PRELID3B: variants seen among roughly 807,000 people sequenced by gnomAD.
PRELID3B encodes the protein PRELI domain containing 3B, also known as PRELI domain containing protein 3B.
Under a neutral mutation model 24.0 loss-of-function variants are expected in PRELID3B, and 15 were observed. The ratio of observed to expected loss-of-function variants is 0.63; its 90% CI spans 0.42 to 0.96. PRELID3B has a LOEUF of 0.96. PRELID3B is among the 40% of genes least tolerant of loss of function. The pLI, the probability that PRELID3B is intolerant of heterozygous loss-of-function variation, is 0.00. For missense variants in PRELID3B, 189 were observed against 236.0 expected, an observed-to-expected ratio of 0.80 and a Z score of 1.30; for synonymous variants, 62 against 76.0, an observed-to-expected ratio of 0.82 and a Z score of 0.96.
chr20:59,035,282 G>C (rs1445214697), intron 5 of PRELID3B, among the ~76,000 whole-genome samples, 156 bp from the exon 6 acceptor site: 1 of 152,162 alleles, frequency 6.6e-6, no homozygotes, highest in Non-Finnish European at 1.5e-5. Context: ...ATGTTATTTA[G>C]CAAACATCAA....
At chr20:59,039,541 G>C (rs1330038662) in intron 1 of PRELID3B, among the ~76,000 whole-genome samples, 1 of 152,194 alleles carries the variant, frequency 6.6e-6, no homozygotes, top group Admixed American at 6.5e-5. Flanking sequence ...AGGTGACTTA[G>C]TCCACCTGCA....
Position 59,034,909 on chromosome 20 carries a change from AC to A in PRELID3B, c.*97del. On this transcript the variant is annotated 3_prime_UTR_variant, in exon 6 of 6. Coordinates refer to ENST00000355937, the MANE Select transcript of PRELID3B (RefSeq NM_016045.3). ...ACTTATCAAAAAAAAAAAAAAAAAAACTACCCAAAATATAGTTGTATTTTTA... is the reference window on the plus strand; with the variant it reads ...ACTTATCAAAAAAAAAAAAAAAAAAATACCCAAAATATAGTTGTATTTTTA... 87 of 1,086,668 alleles carry A rather than the reference AC, an allele frequency of 8.0e-5. No individual in the cohort carries two copies. Among genetic ancestry groups the A allele is most frequent in the East Asian group, 8.8e-5 (3 of 34,076 alleles). 67.3% of individuals were successfully genotyped at this position (1,086,668 alleles called of 1,614,324 possible). A position where few individuals can be genotyped will look rare whatever the true frequency, so the allele number is the denominator to read the frequency against.
rs559996763 is a variant in PRELID3B at position 59,040,509 on chromosome 20, G to A, written c.33-1875C>T. On this transcript the variant is annotated intron_variant, in intron 1 of 5. Transcript: ENST00000355937. The surrounding 1 kb of genome is among the most constrained non-coding windows in gnomAD (Gnocchi z 4.1). ...AAAGAACAGTGGCTGACACATACTG[G>A]GCATCTCTATAAGTTGAAGGAATCA... is the stretch of plus-strand genomic sequence containing the variant. Among the ~76,000 whole-genome samples, 2 of 152,044 alleles carry A rather than the reference G, an allele frequency of 1.3e-5. No homozygotes were observed. Among genetic ancestry groups the A allele is most frequent in the Non-Finnish European group, 2.9e-5 (2 of 68,030 alleles).
intron 2 of PRELID3B, among the ~76,000 whole-genome samples, chr20:59,037,719 C>G (rs529116289): frequency 6.6e-6 from 1 of 152,238 alleles, no homozygotes; most frequent in Non-Finnish European, 1.5e-5. Flanking sequence ...AGCGTTCTTA[C>G]GATGGAGGCT....
intron 2 of PRELID3B, among the ~76,000 whole-genome samples, chr20:59,037,787 C>T (rs2092084584): frequency 6.6e-6 from 1 of 152,214 alleles, no homozygotes; most frequent in Non-Finnish European, 1.5e-5. Context: ...ACCCCCTGAC[C>T]CTGCTCATTT....
chr20:59,038,237 C>A (rs546308543), intron 2 of PRELID3B: 19 of 428,848 alleles, frequency 4.4e-5, no homozygotes, highest in Admixed American at 7.8e-5. Flanking sequence ...TCAGATCACA[C>A]GGCATTAGCT....
rs371664772 is a variant in PRELID3B at position 59,042,737 on chromosome 20, G to C, written c.-7C>G. 3 of 1,601,232 alleles carry C rather than the reference G, an allele frequency of 1.9e-6. No individual in the cohort carries two copies. On this transcript the variant is annotated 5_prime_UTR_variant, in exon 1 of 6. Coordinates refer to ENST00000355937, the MANE Select transcript of PRELID3B (RefSeq NM_016045.3). ...CCGAAGTCCAGATCTTCATGGTGCC[G>C]GCACCCTGAGAGATGTCCGGGTAGC...
In PRELID3B at chr20:59,036,516, G is replaced by A. The variant is rs2092073339; in HGVS notation, c.420C>T (p.Tyr140=). 4.3e-6 allele frequency: 7 copies of A among 1,614,008 alleles called. No homozygotes were observed. The highest frequency in any genetic ancestry group is 5.9e-6 in the Non-Finnish European group (7 of 1,180,026). ...TCGTACTTGCCATCAGTCCTTCAAG[G>A]TAACTGCTGAGGCTAACTCCTTTCA... ...ITVKGVSLSS[Y]LEGLMASTIS... The change falls in exon 5 of 6, where the codon TAC becomes TAT. Residue 140 remains tyrosine, a synonymous_variant. Coordinates refer to ENST00000355937, the MANE Select transcript of PRELID3B (RefSeq NM_016045.3).
chr20:59,036,569 C>A lies in PRELID3B; in HGVS notation c.367G>T (p.Val123Phe). The change falls in exon 5 of 6, where the codon GTT becomes TTT. Residue 123 changes from valine to phenylalanine, a missense_variant. Val to Phe is a conservative substitution (Grantham distance 50). Coordinates refer to ENST00000355937, the MANE Select transcript of PRELID3B (RefSeq NM_016045.3). The stretch of plus-strand genomic sequence containing the variant: ...GTAATTATGGCTTCTTGTGTCAAAA[C>A]AGTTCTGGAACAAAACATATTCACA... ...KPHPQDPEKT[V>F]LTQEAIITVK... is the part of the protein sequence containing the mutation. 1 of 1,613,946 alleles carries A rather than the reference C, an allele frequency of 6.2e-7. No homozygotes were observed. Among genetic ancestry groups the A allele is most frequent in the Non-Finnish European group, 8.5e-7 (1 of 1,179,828 alleles).
intron 1 of PRELID3B, among the ~76,000 whole-genome samples, chr20:59,039,873 C>G (rs1568698826): frequency 6.6e-6 from 1 of 152,182 alleles, no homozygotes. Flanking sequence ...CTCATTCTGT[C>G]TTTAGTCTCC....
At chr20:59,036,859 T>C in intron 3 of PRELID3B, 99 bp from the exon 4 acceptor site, 1 of 781,520 alleles carries the variant, frequency 1.3e-6, no homozygotes, top group South Asian at 1.8e-5. Flanking sequence ...TTACTAAACA[T>C]ACAAAACAAC....
In PRELID3B at chr20:59,042,609, A is replaced by G. The variant is rs990410011; in HGVS notation, c.32+90T>C. ...GCTCCCCTCGCTAGGCCCGACGCCTAGAAGCCTCCTGCGGGCCGCCTCTGC... is the reference window on the plus strand; with the variant it reads ...GCTCCCCTCGCTAGGCCCGACGCCTGGAAGCCTCCTGCGGGCCGCCTCTGC... On this transcript the variant is annotated intron_variant, in intron 1 of 5. Coordinates refer to ENST00000355937, the MANE Select transcript of PRELID3B (RefSeq NM_016045.3). The G allele has an allele frequency of 9.7e-6, 14 of 1,437,672 alleles. No individual in the cohort carries two copies. The Middle Eastern group carries it at 5.3e-4, about 55-fold the overall frequency. 89.1% of individuals were successfully genotyped at this position (1,437,672 alleles called of 1,614,324 possible).
intron 3 of PRELID3B, 41 bp from the exon 4 acceptor site, chr20:59,036,801 G>T: frequency 7.6e-7 from 1 of 1,309,702 alleles, no homozygotes; most frequent in African/African-American, 1.5e-5. Flanking sequence ...AATCATTTTG[G>T]AACTGAAGAT....
In PRELID3B at chr20:59,040,185, G is replaced by A. The variant is rs1019983363; in HGVS notation, c.33-1551C>T. 1.9e-4 allele frequency among the ~76,000 whole-genome samples: 29 copies of A among 152,214 alleles called. No homozygotes were observed. The highest frequency in any genetic ancestry group is 7.0e-4 in the African/African-American group (29 of 41,462). On this transcript the variant is annotated intron_variant, in intron 1 of 5. Coordinates refer to ENST00000355937, the MANE Select transcript of PRELID3B (RefSeq NM_016045.3). The surrounding 1 kb of genome is among the most constrained non-coding windows in gnomAD (Gnocchi z 4.1). ...CTTTCTGAACCAACTTGAAACCACT[G>A]ATGTTGACTTAGCTTGGCTCAAGAT...
At chr20:59,036,418 C>T in intron 5 of PRELID3B, 53 bp downstream of exon 5, 2 of 1,366,832 alleles carry the variant, frequency 1.5e-6, no homozygotes, top group Non-Finnish European at 2.1e-6. Flanking sequence ...GCACCCCATT[C>T]CATTCCCAGG....
chr20:59,038,605 G>A lies in PRELID3B; in HGVS notation c.62C>T (p.Ala21Val). The change falls in exon 2 of 6, where the codon GCA becomes GTA. Residue 21 changes from alanine to valine, a missense_variant. Physicochemically the swap from Ala to Val is moderately conservative, Grantham distance 64 (BLOSUM62 0). Transcript: ENST00000355937. ...DHPWETVTTA[A>V]MQKYPNPMNP... ...CATAGGGTTTGGGTATTTCTGCATTGCAGCTGTTGTAACAGTTTCCCACGG... is the reference window on the plus strand; with the variant it reads ...CATAGGGTTTGGGTATTTCTGCATTACAGCTGTTGTAACAGTTTCCCACGG... The A allele has an allele frequency of 6.2e-7, 1 of 1,608,026 alleles. No homozygotes were observed. Among genetic ancestry groups the A allele is most frequent in the Non-Finnish European group, 8.5e-7 (1 of 1,178,474 alleles).
chr20:59,037,042 G>C (rs2092078263), intron 3 of PRELID3B, 149 bp downstream of exon 3: 1 of 663,802 alleles, frequency 1.5e-6, no homozygotes, highest in South Asian at 1.9e-5. Flanking sequence ...GGGTAAGGAA[G>C]CAACATCCAG....
rs776406316 is a variant in PRELID3B, at chr20:59,042,673, G to C, written c.32+26C>G. 5.1e-6 allele frequency: 8 copies of C among 1,578,998 alleles called. No individual in the cohort carries two copies. In the African/African-American group the frequency reaches 9.6e-5, roughly 19 times the overall value. The stretch of plus-strand genomic sequence containing the variant: ...CAGGGCCGGCGTGCCTGCCCTCCAC[G>C]GAGCCGACCCGCGCCCCAAACTTAC... On this transcript the variant is annotated intron_variant, in intron 1 of 5. Coordinates refer to ENST00000355937, the MANE Select transcript of PRELID3B (RefSeq NM_016045.3).
In PRELID3B at chr20:59,036,602, A is replaced by T. The variant is rs747760318; in HGVS notation, c.363-29T>A. 13 of 1,596,634 alleles carry T rather than the reference A, an allele frequency of 8.1e-6. No homozygotes were observed. In the South Asian group the frequency reaches 1.3e-4, roughly 16 times the overall value. On this transcript the variant is annotated intron_variant, in intron 4 of 5. Transcript: ENST00000355937. ...GAACAAAACATATTCACACAGGTTC[A>T]GATGACCCAGCTTTCATTTTCAAAA...
Sources: gnomAD v4.1 joint callset for allele counts (sites outside exome capture counted in the v4.1 genomes callset) on GRCh38, gnomAD v4.1.1 for gene constraint, Gnocchi (gnomAD v3.1) non-coding constraint, MANE v1.5 for transcripts, NCBI Gene and HGNC (gene_info 2026-07-23, HGNC 2026-07-21) for gene names.